SLC35E4: variants seen among roughly 807,000 people sequenced by gnomAD.
SLC35E4 encodes the protein solute carrier family 35, member E4.
A neutral mutation model predicts 19.3 loss-of-function variants in SLC35E4; 15 were observed. The observed-to-expected ratio is 0.78, with a 90% CI of 0.52 to 1.20. The LOEUF is 1.20. Among genes scored for constraint, SLC35E4 ranks in the 50% most tolerant of loss-of-function variants. The probability of loss-of-function intolerance (pLI) is 0.00; values close to 1 mark genes in which losing one functional copy is unlikely to be tolerated. For synonymous variants in SLC35E4, 219 were observed against 219.9 expected (o/e 1.00, Z 0.04); for missense variants, 406 against 472.3 (o/e 0.86, Z 1.30).
chr22:30,643,424 G>C (rs1482424992), intron 1 of SLC35E4, among the ~76,000 whole-genome samples: 1 of 152,212 alleles, frequency 6.6e-6, no homozygotes. Context: ...ATGCAATGAT[G>C]ATGACAATAA....
chr22:30,667,247 A>G (rs1361767052), downstream of SLC35E4: 1 of 152,238 alleles, frequency 6.6e-6, no homozygotes, highest in Non-Finnish European at 1.5e-5. Context: ...GTCATAAAGC[A>G]AAGAAGCCGA....
In SLC35E4 at chr22:30,636,434, T is replaced by G; in HGVS notation, c.-17T>G. ...TCACTGGGGAGCCCGCCTCCTGCCC[T>G]AGCCTCACTGGTGCGGATGTGCCGC... On this transcript the variant is annotated 5_prime_UTR_variant, in exon 1 of 2. Transcript: ENST00000343605. 1 of 1,469,194 alleles carries G rather than the reference T, an allele frequency of 6.8e-7. No individual in the cohort carries two copies. Among genetic ancestry groups the G allele is most frequent in the East Asian group, 2.5e-5 (1 of 40,022 alleles). 91.0% of individuals were successfully genotyped at this position (1,469,194 alleles called of 1,614,324 possible). A position where few individuals can be genotyped will look rare whatever the true frequency, so the allele number is the denominator to read the frequency against.
chr22:30,636,091 A>T lies in SLC35E4; in HGVS notation c.-360A>T, dbSNP rs1188927093. On this transcript the variant is annotated 5_prime_UTR_variant, in exon 1 of 2. Transcript: ENST00000343605. ...CTGCGCGCACCCTAATGACCTGGGG[A>T]CTGAAGAGAAAAAAGGAACGAGGAT... 1 of 221,510 alleles carries T rather than the reference A, an allele frequency of 4.5e-6. No individual in the cohort carries two copies. Among genetic ancestry groups the T allele is most frequent in the South Asian group, 1.3e-4 (1 of 7,932 alleles). The allele number at this position is 221,510 out of a possible 1,614,324, so 13.7% of individuals were successfully genotyped here. A position where few individuals can be genotyped will look rare whatever the true frequency, so the allele number is the denominator to read the frequency against.
At chr22:30,648,597 C>CA (rs2088168523), downstream of SLC35E4, among the ~76,000 whole-genome samples, 1 of 152,030 alleles carries the variant, frequency 6.6e-6, no homozygotes, top group Non-Finnish European at 1.5e-5. Context: ...ATTAAAAATA[C>CA]AAAAAAATTA....
rs1354442647 is a variant in SLC35E4, at chr22:30,636,283, A to G, written c.-168A>G. On this transcript the variant is annotated 5_prime_UTR_variant, in exon 1 of 2. Coordinates refer to ENST00000343605, the MANE Select transcript of SLC35E4 (RefSeq NM_001001479.4). ...GAGCTGGAAACACAGCTTAGCTTCT[A>G]GACATCGCTGGCACAGGCCTGGCAC... 3.0e-6 allele frequency: 3 copies of G among 989,714 alleles called. No homozygotes were observed. The highest frequency in any genetic ancestry group is 3.3e-5 in the African/African-American group (2 of 60,898). 61.3% of individuals were successfully genotyped at this position (989,714 alleles called of 1,614,324 possible). A position where few individuals can be genotyped will look rare whatever the true frequency, so the allele number is the denominator to read the frequency against.
downstream of SLC35E4, among the ~76,000 whole-genome samples, chr22:30,664,473 T>C (rs2088581578): frequency 6.6e-6 from 1 of 152,212 alleles, no homozygotes; most frequent in Non-Finnish European, 1.5e-5. Flanking sequence ...AGAGCCCTTT[T>C]CTTGCTGCTC....
In SLC35E4 at chr22:30,646,889, G is replaced by T. The variant is rs781233031; in HGVS notation, c.911G>T (p.Gly304Val). The change falls in exon 2 of 2, where the codon GGC becomes GTC. Residue 304 changes from glycine to valine, a missense_variant. Physicochemically the swap from Gly to Val is moderately radical, Grantham distance 109. Transcript: ENST00000343605. ...CTCATCCTGTCCCGGCTGTTGTTTGGCAGCCGCCTCAGTGCCCTCAGCTAC... is the reference window on the plus strand; with the variant it reads ...CTCATCCTGTCCCGGCTGTTGTTTGTCAGCCGCCTCAGTGCCCTCAGCTAC... ...GNLILSRLLF[G>V]SRLSALSYVG... is the part of the protein sequence containing the mutation. 6.2e-7 allele frequency: 1 copy of T among 1,614,212 alleles called. No homozygotes were observed. Among genetic ancestry groups the T allele is most frequent in the Non-Finnish European group, 8.5e-7 (1 of 1,180,026 alleles).
chr22:30,639,738 T>C (rs1602071666), intron 1 of SLC35E4, among the ~76,000 whole-genome samples: 1 of 152,020 alleles, frequency 6.6e-6, no homozygotes, highest in African/African-American at 2.4e-5. Flanking sequence ...GCAGTCAGAG[T>C]TTAAGATTAT....
At chr22:30,651,399 G>GTGTATATA (rs1318231260), downstream of SLC35E4, among the ~76,000 whole-genome samples, 41 of 61,304 alleles carry the variant, frequency 6.7e-4, no homozygotes, top group African/African-American at 1.4e-3. Context: ...GTGTGTGTGT[G>GTGTATATA]TATATATATA....
At chr22:30,661,444 C>CTTTTTTTTTTTTTTT (rs56242112) in intron 2 of SLC35E4, 1 of 136,480 alleles carries the variant, frequency 7.3e-6, no homozygotes, top group Non-Finnish European at 1.5e-5. Context: ...TTTTCTTTTT[C>CTTTTTTTTTTTTTTT]TTTTTTTTTT....
downstream of SLC35E4, among the ~76,000 whole-genome samples, chr22:30,651,459 T>G (rs902148759): frequency 6.4e-5 from 7 of 109,902 alleles, no homozygotes; most frequent in African/African-American, 2.5e-4. Flanking sequence ...TTTTTTTTTT[T>G]GGTAGAGATG....
chr22:30,638,560 C>T (rs1230493013), intron 1 of SLC35E4, among the ~76,000 whole-genome samples: 10 of 151,100 alleles, frequency 6.6e-5, no homozygotes, highest in Admixed American at 6.6e-4. Context: ...AGCTGTAATC[C>T]CAGCACTTTG....
At chr22:30,666,172 G>C (rs1322073442), downstream of SLC35E4, among the ~76,000 whole-genome samples, 1 of 152,254 alleles carries the variant, frequency 6.6e-6, no homozygotes, top group Middle Eastern at 3.4e-3. Flanking sequence ...AAAATCCATA[G>C]AGAAGTGAAC....
chr22:30,638,743 C>T (rs149540032), intron 1 of SLC35E4, among the ~76,000 whole-genome samples: 185 of 152,104 alleles, frequency 1.2e-3, no homozygotes, highest in African/African-American at 4.4e-3. Context: ...ACCTGGGAGG[C>T]GGAGGTTGCA....
downstream of SLC35E4, among the ~76,000 whole-genome samples, chr22:30,649,564 T>C (rs149348687): frequency 2.3e-4 from 35 of 150,240 alleles, no homozygotes; most frequent in East Asian, 6.8e-3. Context: ...CCAGGCTGCC[T>C]TACAGAAGGG....
In SLC35E4 at chr22:30,646,987, C is replaced by T. The variant is rs201034575; in HGVS notation, c.1009C>T (p.Arg337Cys). The change falls in exon 2 of 2, where the codon CGT (arginine) becomes TGT (cysteine). Residue 337 changes from arginine to cysteine, a missense_variant. Arg to Cys is a radical substitution (Grantham distance 180). Coordinates refer to ENST00000343605, the MANE Select transcript of SLC35E4 (RefSeq NM_001001479.4). ...NCEFVASWAA[R>C]RGLWRRDQPS... is the part of the protein sequence containing the mutation. ...CGAGTTCGTGGCCTCCTGGGCTGCC[C>T]GTCGGGGGCTGTGGCGGAGGGACCA... 32 of 1,612,906 alleles carry T rather than the reference C, an allele frequency of 2.0e-5. No individual in the cohort carries two copies. The East Asian group carries it at 3.8e-4, about 19-fold the overall frequency.
rs1221584357 is a variant in SLC35E4, at chr22:30,636,650, A to G, written c.200A>G (p.Asn67Ser). The G allele has an allele frequency of 1.2e-6, 2 of 1,612,040 alleles. No individual in the cohort carries two copies. The highest frequency in any genetic ancestry group is 1.7e-6 in the Non-Finnish European group (2 of 1,179,330). ...LLAGASMSSLNKWIFTVHGFG... is the reference protein window; with the variant it reads ...LLAGASMSSLSKWIFTVHGFG... ...GCGGGAGCCAGCATGTCAAGCCTCA[A>G]CAAGTGGATCTTCACAGTGCACGGC... Residue 67 changes from asparagine to serine, a missense_variant, in exon 1 of 2, where the codon AAC (asparagine) becomes AGC (serine). By Grantham distance (46) the Asn-to-Ser change is conservative. Coordinates refer to ENST00000343605, the MANE Select transcript of SLC35E4 (RefSeq NM_001001479.4).
chr22:30,653,739 TTGTA>T (rs1369151387), intron 2 of SLC35E4: 10 of 152,114 alleles, frequency 6.6e-5, no homozygotes, highest in Non-Finnish European at 2.9e-5. Flanking sequence ...GAATTTCTGT[TTGTA>T]TGTTTAGACT....
At chr22:30,654,399 C>T in intron 2 of SLC35E4, 1 of 457,126 alleles carries the variant, frequency 2.2e-6, no homozygotes, top group African/African-American at 2.0e-5. Context: ...CCAGCTGCCC[C>T]AGGTAGGCAA....
Sources: allele counts gnomAD v4.1 joint callset (sites outside exome capture counted in the v4.1 genomes callset), GRCh38; gene constraint gnomAD v4.1.1; transcripts MANE v1.5; gene names NCBI Gene and HGNC (gene_info 2026-07-23, HGNC 2026-07-21).